The following EHMT1 variants were observed in gnomAD, a reference collection of about 807,000 sequenced individuals.
The protein encoded by EHMT1 is histone-lysine N-methyltransferase EHMT1.
A neutral mutation model predicts 147.2 loss-of-function variants in EHMT1; 15 were observed. The observed-to-expected ratio is 0.10, with a 90% CI of 0.07 to 0.16. The LOEUF is 0.16. EHMT1 is among the 10% of genes least tolerant of loss of function. The probability of loss-of-function intolerance (pLI) is 1.00; values close to 1 mark genes in which losing one functional copy is unlikely to be tolerated. For synonymous variants in EHMT1, 795 were observed against 709.6 expected (o/e 1.12, Z -1.91); for missense variants, 1,587 against 1,772.4 (o/e 0.90, Z 1.88).
chr9:137,730,690 A>C (rs952132473), intron 4 of EHMT1, among the ~76,000 whole-genome samples: 17 of 152,146 alleles, frequency 1.1e-4, no homozygotes, highest in African/African-American at 4.1e-4. Context: ...ACATTGTCCC[A>C]AGTTTGTCCA....
chr9:137,631,168 C>A (rs1445244433), intron 1 of EHMT1, among the ~76,000 whole-genome samples: 1 of 152,032 alleles, frequency 6.6e-6, no homozygotes, highest in African/African-American at 2.4e-5. Flanking sequence ...GTGGATTGAT[C>A]ACCTGACGTC....
chr9:137,639,954 G>A lies in EHMT1; in HGVS notation c.21+20905G>A, dbSNP rs151295342. On this transcript the variant is annotated intron_variant, in intron 1 of 26. Transcript: ENST00000460843. The stretch of plus-strand genomic sequence containing the variant: ...CCTTCTGTAACCTTATTTATTTAGA[G>A]ACGGAGTCTCGCTCTTGTTGCCCAG... Among the ~76,000 whole-genome samples the A allele has an allele frequency of 4.9e-3, 739 of 152,330 alleles. 3 individuals carry two copies. Among genetic ancestry groups the A allele is most frequent in the African/African-American group, 0.013 (560 of 41,572 alleles).
intron 24 of EHMT1, 59 bp from the exon 25 acceptor site, chr9:137,818,001 T>TGG: frequency 6.5e-7 from 1 of 1,545,234 alleles, no homozygotes; most frequent in Admixed American, 1.7e-5. Flanking sequence ...TGGGCTGTGC[T>TGG]TGTCTGTGGG....
rs1294953576 is a variant in EHMT1 at position 137,745,398 on chromosome 9, C to T, written c.1170+1308C>T. 13 of 396,054 alleles carry T rather than the reference C, an allele frequency of 3.3e-5. No individual in the cohort carries two copies. The East Asian group carries it at 3.9e-4, about 12-fold the overall frequency. The allele number at this position is 396,054 out of a possible 1,614,324, so 24.5% of individuals were successfully genotyped here. A position where few individuals can be genotyped will look rare whatever the true frequency, so the allele number is the denominator to read the frequency against. On this transcript the variant is annotated intron_variant, in intron 6 of 26. Transcript: ENST00000460843. ...TTTAAAAATTCGTTGGAAATATTACCATTAGATATTTAAAGAGGATTTAAA... is the reference window on the plus strand; with the variant it reads ...TTTAAAAATTCGTTGGAAATATTACTATTAGATATTTAAAGAGGATTTAAA...
intron 10 of EHMT1, among the ~76,000 whole-genome samples, chr9:137,774,132 C>T (rs1439026671): frequency 6.6e-6 from 1 of 152,240 alleles, no homozygotes; most frequent in Non-Finnish European, 1.5e-5. Flanking sequence ...CCCACAGATT[C>T]ATTGTACCGC....
intron 9 of EHMT1, among the ~76,000 whole-genome samples, chr9:137,759,234 A>G (rs1305244785): frequency 1.3e-5 from 2 of 152,202 alleles, no homozygotes; most frequent in Admixed American, 1.3e-4. Context: ...CACCAAATGG[A>G]GCAGAACCCC....
intron 15 of EHMT1, chr9:137,788,171 C>A: frequency 1.3e-6 from 1 of 754,548 alleles, no homozygotes; most frequent in Non-Finnish European, 2.0e-6. Flanking sequence ...CACTGCACCC[C>A]GTACCTGCCT....
At position 137,775,501 on chromosome 9, in the gene EHMT1, A is replaced by G. The variant is rs570749437; in HGVS notation, c.1791+249A>G. 6.6e-6 allele frequency among the ~76,000 whole-genome samples: 1 copy of G among 150,910 alleles called. No individual in the cohort carries two copies. The highest frequency in any genetic ancestry group is 1.5e-5 in the Non-Finnish European group (1 of 67,718). ...CTGGAAACCGCTTTTGGAGATGACT[A>G]GGACGGTGTGACCTGGGCTTCCAGG... On this transcript the variant is annotated intron_variant, in intron 11 of 26. Coordinates refer to ENST00000460843, the MANE Select transcript of EHMT1 (RefSeq NM_024757.5). The surrounding 1 kb of genome is among the most constrained non-coding windows in gnomAD (Gnocchi z 6.1).
chr9:137,671,591 C>T (rs933932458), intron 1 of EHMT1, among the ~76,000 whole-genome samples: 1 of 149,002 alleles, frequency 6.7e-6, no homozygotes, highest in African/African-American at 2.5e-5. Context: ...GTTGTGTGAC[C>T]TTGGCTCATT....
chr9:137,784,131 C>T (rs1198248247), intron 15 of EHMT1: 5 of 1,536,306 alleles, frequency 3.3e-6, no homozygotes, highest in East Asian at 2.4e-5. Context: ...AGCCCAAGGT[C>T]GAGGGGCTGC....
chr9:137,827,810 C>T (rs748324361), intron 25 of EHMT1, among the ~76,000 whole-genome samples: 3 of 141,572 alleles, frequency 2.1e-5, no homozygotes, highest in Non-Finnish European at 3.1e-5. Context: ...ATCAACTTGG[C>T]GCCCCAGGGA....
intron 1 of EHMT1, among the ~76,000 whole-genome samples, chr9:137,644,236 G>A (rs985630298): frequency 1.3e-4 from 20 of 152,176 alleles, no homozygotes; most frequent in Non-Finnish European, 2.5e-4. Context: ...CGGGCAATAC[G>A]TAAACAAGTG....
intron 1 of EHMT1, chr9:137,641,429 G>T: frequency 1.9e-6 from 1 of 530,360 alleles, no homozygotes; most frequent in South Asian, 1.4e-5. Flanking sequence ...CTTCAGCACT[G>T]GTCAAACAAT....
intron 25 of EHMT1, chr9:137,834,138 A>T (rs1956425321): frequency 1.6e-6 from 1 of 644,176 alleles, no homozygotes; most frequent in Non-Finnish European, 2.6e-6. Context: ...CCCAGCGAGG[A>T]CGGCAGGGTG....
chr9:137,778,913 G>T (rs1248359921), intron 13 of EHMT1, among the ~76,000 whole-genome samples: 1 of 152,240 alleles, frequency 6.6e-6, no homozygotes, highest in East Asian at 1.9e-4. Flanking sequence ...CAAAGCAGGA[G>T]CAGTAGCAAG....
chr9:137,804,951 G>T (rs1953803687), intron 18 of EHMT1, among the ~76,000 whole-genome samples: 1 of 152,084 alleles, frequency 6.6e-6, no homozygotes, highest in Non-Finnish European at 1.5e-5. Context: ...AGTCATCCAT[G>T]TATGAGTCCG....
rs786205602 is a variant in EHMT1, at chr9:137,784,094, T to G, written c.2382+1697T>G. On this transcript the variant is annotated intron_variant, in intron 15 of 26. Coordinates refer to ENST00000460843, the MANE Select transcript of EHMT1 (RefSeq NM_024757.5). ...GGGTCATTTATAAAGAAAAGAAATT[T>G]ATTTCTCACAGTTCTGCAGGCTGGG... The G allele has an allele frequency of 4.7e-6, 6 of 1,274,658 alleles. No individual in the cohort carries two copies. Among genetic ancestry groups the G allele is most frequent in the Non-Finnish European group, 6.7e-6 (6 of 895,500 alleles). The allele number at this position is 1,274,658 out of a possible 1,614,324, so 79.0% of individuals were successfully genotyped here.
In EHMT1 at chr9:137,716,812, T is replaced by C; in HGVS notation, c.272T>C (p.Ile91Thr). 5.0e-6 allele frequency: 8 copies of C among 1,613,248 alleles called. No individual in the cohort carries two copies. Among genetic ancestry groups the C allele is most frequent in the South Asian group, 1.1e-5 (1 of 91,076 alleles). Residue 91 changes from isoleucine to threonine, a missense_variant, in exon 3 of 27, where the codon ATA becomes ACA. Physicochemically the swap from Ile to Thr is moderately conservative, Grantham distance 89. Coordinates refer to ENST00000460843, the MANE Select transcript of EHMT1 (RefSeq NM_024757.5). ...PQDGTNTLTR[I>T]AENGVSERDS... ...GATGGCACCAACACACTAACTCGGA[T>C]AGCGGAAAATGGGGTTTCAGAAAGA...
chr9:137,720,470 A>AT (rs1409280177), intron 3 of EHMT1, among the ~76,000 whole-genome samples: 1 of 151,804 alleles, frequency 6.6e-6, no homozygotes, highest in Non-Finnish European at 1.5e-5. Context: ...TGCCCGGCTG[A>AT]TTTTTATATT....
Sources: allele counts gnomAD v4.1 joint callset (sites outside exome capture counted in the v4.1 genomes callset), GRCh38; gene constraint gnomAD v4.1.1; non-coding constraint Gnocchi (gnomAD v3.1); transcripts MANE v1.5; gene names NCBI Gene and HGNC (gene_info 2026-07-23, HGNC 2026-07-21).